The following TNFAIP8 variants were observed in gnomAD, a reference collection of about 807,000 sequenced individuals.
TNFAIP8 encodes TNF alpha induced protein 8.
In TNFAIP8, 7 loss-of-function variants were observed where a neutral mutation model predicts 13.3. That is an observed-to-expected ratio of 0.52 (90% CI 0.30 to 0.99). The LOEUF (loss-of-function observed/expected upper bound fraction) is 0.99, where lower values mean the gene tolerates loss of function less well. Ranked by LOEUF, TNFAIP8 falls within the 50% of genes least tolerant of loss-of-function variation. The pLI is 0.07. For missense variants in TNFAIP8, 258 were observed against 236.9 expected (o/e 1.09, Z -0.58); for synonymous variants, 94 against 87.6 (o/e 1.07, Z -0.41).
intron 1 of TNFAIP8, among the ~76,000 whole-genome samples, chr5:119,311,932 A>G (rs1004628707): frequency 6.6e-6 from 1 of 152,192 alleles, no homozygotes; most frequent in Non-Finnish European, 1.5e-5. Context: ...AACCAAACCT[A>G]GTTTAACTAA....
chr5:119,319,160 G>T (rs1186322228), intron 1 of TNFAIP8, among the ~76,000 whole-genome samples: 1 of 152,172 alleles, frequency 6.6e-6, no homozygotes, highest in East Asian at 1.9e-4. Flanking sequence ...TATAATTCCA[G>T]CACTTTGGGA....
intron 1 of TNFAIP8, among the ~76,000 whole-genome samples, chr5:119,358,896 G>A (rs1325944737): frequency 6.6e-6 from 1 of 152,126 alleles, no homozygotes; most frequent in Non-Finnish European, 1.5e-5. Context: ...GTGGGGACTT[G>A]GAAAAGAGTG....
At chr5:119,353,728 A>G (rs77096604), upstream of TNFAIP8, among the ~76,000 whole-genome samples, 4,561 of 152,346 alleles carry the variant, frequency 0.03, 91 homozygotes, top group Non-Finnish European at 0.049. Context: ...GTATTTTAAC[A>G]TATCTTATGT....
chr5:119,357,902 C>T (rs944655205), intron 1 of TNFAIP8, among the ~76,000 whole-genome samples: 2 of 152,072 alleles, frequency 1.3e-5, no homozygotes, highest in Non-Finnish European at 2.9e-5. Context: ...CAGATAGAAT[C>T]ATATAGCTTC....
At chr5:119,374,182 T>C (rs1752192554) in intron 1 of TNFAIP8, among the ~76,000 whole-genome samples, 1 of 151,956 alleles carries the variant, frequency 6.6e-6, no homozygotes, top group Non-Finnish European at 1.5e-5. Flanking sequence ...TGAAGTGTTT[T>C]AGATTTTGGA....
chr5:119,329,760 G>C (rs1750319457), intron 1 of TNFAIP8, among the ~76,000 whole-genome samples: 1 of 151,788 alleles, frequency 6.6e-6, no homozygotes, highest in Non-Finnish European at 1.5e-5. Context: ...CATGCACACT[G>C]TGGACATCTC....
At position 119,347,549 on chromosome 5, in the gene TNFAIP8, T is replaced by A. The variant is rs142317979; in HGVS notation, c.2-45267T>A. Among the ~76,000 whole-genome samples the A allele has an allele frequency of 1.9e-3, 283 of 152,340 alleles. 1 individual carries two copies. The highest frequency in any genetic ancestry group is 6.5e-3 in the African/African-American group (272 of 41,580). ...GGTGAGCAGTTTCTCAGAAAATGCA[T>A]TCATTTTCATGATGCCTACAACTTT... On this transcript the variant is annotated intron_variant, in intron 1 of 1. Transcript: ENST00000274456.
chr5:119,285,772 A>T (rs1476912130), intron 1 of TNFAIP8, among the ~76,000 whole-genome samples: 1 of 152,206 alleles, frequency 6.6e-6, no homozygotes, highest in Admixed American at 6.5e-5. Flanking sequence ...CAAAAACTCA[A>T]ACCACTTAAA....
chr5:119,323,769 C>T (rs984415257), intron 1 of TNFAIP8, among the ~76,000 whole-genome samples: 4 of 152,124 alleles, frequency 2.6e-5, no homozygotes, highest in African/African-American at 9.7e-5. Flanking sequence ...CTTTGCTTCC[C>T]AGTGGGGAAC....
intron 1 of TNFAIP8, among the ~76,000 whole-genome samples, chr5:119,310,813 C>T (rs1315783797): frequency 2.6e-5 from 4 of 152,024 alleles, no homozygotes; most frequent in East Asian, 1.9e-4. Context: ...GGTGACAGAT[C>T]GAGACTCCAC....
At chr5:119,333,118 T>A in intron 1 of TNFAIP8, 2 of 814,314 alleles carry the variant, frequency 2.5e-6, no homozygotes, top group Non-Finnish European at 1.5e-6. Flanking sequence ...TTTTTTTTTC[T>A]AAGTATCTGT....
At chr5:119,284,344 T>C (rs1748715332) in intron 1 of TNFAIP8, among the ~76,000 whole-genome samples, 1 of 151,486 alleles carries the variant, frequency 6.6e-6, no homozygotes, top group Non-Finnish European at 1.5e-5. Context: ...GTAGAACAGT[T>C]CTTCAACAGA....
At chr5:119,326,321 G>A (rs1391337686) in intron 1 of TNFAIP8, among the ~76,000 whole-genome samples, 3 of 152,164 alleles carry the variant, frequency 2.0e-5, no homozygotes, top group Non-Finnish European at 4.4e-5. Flanking sequence ...ATGCAGGAGT[G>A]GGAGCAGTGA....
At position 119,287,591 on chromosome 5, in the gene TNFAIP8, C is replaced by T. The variant is rs573810736; in HGVS notation, c.1+18684C>T. 2.9e-3 allele frequency among the ~76,000 whole-genome samples: 440 copies of T among 152,212 alleles called. 2 individuals are homozygous for T. The highest frequency in any genetic ancestry group is 7.8e-3 in the Admixed American group (119 of 15,302). ...TAACTGAAGGTTTGTATCAACAACT[C>T]CCCATTCCCCACCCTCCAAACCCAG... is the stretch of plus-strand genomic sequence containing the variant. On this transcript the variant is annotated intron_variant, in intron 1 of 1. Transcript: ENST00000274456.
chr5:119,314,322 A>G (rs1749822047), intron 1 of TNFAIP8, among the ~76,000 whole-genome samples: 1 of 152,260 alleles, frequency 6.6e-6, no homozygotes, highest in East Asian at 1.9e-4. Context: ...TGATAGAAAT[A>G]GTCCCTGTCC....
chr5:119,287,595 A>G (rs1748845022), intron 1 of TNFAIP8, among the ~76,000 whole-genome samples: 1 of 152,048 alleles, frequency 6.6e-6, no homozygotes, highest in Non-Finnish European at 1.5e-5. Flanking sequence ...ACAACTCCCC[A>G]TTCCCCACCC....
At chr5:119,301,043 C>T (rs189659011) in intron 1 of TNFAIP8, among the ~76,000 whole-genome samples, 138 of 152,298 alleles carry the variant, frequency 9.1e-4, no homozygotes, top group African/African-American at 3.2e-3. Flanking sequence ...ATTCAGAATT[C>T]AGATCCTTAT....
At chr5:119,355,674 G>A (rs1298376252), upstream of TNFAIP8, 21 of 370,718 alleles carry the variant, frequency 5.7e-5, no homozygotes, top group East Asian at 8.8e-4. Context: ...GCTCTGAGAT[G>A]AGACTTTTTT....
intron 1 of TNFAIP8, among the ~76,000 whole-genome samples, chr5:119,379,014 G>C (rs1448468442): frequency 6.6e-6 from 1 of 152,182 alleles, no homozygotes. Flanking sequence ...AGTAAGTTAT[G>C]ATCTGGCTAC....
Sources: gnomAD v4.1 joint callset for allele counts (sites outside exome capture counted in the v4.1 genomes callset) on GRCh38, gnomAD v4.1.1 for gene constraint, MANE v1.5 for transcripts, NCBI Gene and HGNC (gene_info 2026-07-23, HGNC 2026-07-21) for gene names.